NUP153: variants seen among roughly 807,000 people sequenced by gnomAD.
NUP153 encodes nuclear pore complex protein Nup153.
NUP153 carries 27 observed loss-of-function variants against 134.6 expected under a neutral mutation model. The observed-to-expected ratio is 0.20, with a 90% confidence interval of 0.15 to 0.28. NUP153 has a LOEUF of 0.28. NUP153 is among the 10% of genes least tolerant of loss of function. The probability of loss-of-function intolerance (pLI) is 1.00; values close to 1 mark genes in which losing one functional copy is unlikely to be tolerated. For synonymous variants in NUP153, 640 were observed against 623.5 expected, an observed-to-expected ratio of 1.03 and a Z score of -0.40; for missense variants, 1,821 against 1,731.3, an observed-to-expected ratio of 1.05 and a Z score of -0.92.
intron 20 of NUP153, among the ~76,000 whole-genome samples, chr6:17,617,706 G>A (rs746647834): frequency 2.6e-5 from 4 of 152,000 alleles, no homozygotes; most frequent in South Asian, 2.1e-4. Context: ...TTAGCCAGGC[G>A]TAGTGGCGTG....
chr6:17,689,725 A>C (rs1304298503), intron 1 of NUP153, among the ~76,000 whole-genome samples: 1 of 151,716 alleles, frequency 6.6e-6, no homozygotes, highest in East Asian at 2.0e-4. Context: ...GGGTTTCTCC[A>C]TGTTGGTCAG....
chr6:17,674,444 T>C (rs1325860071), intron 5 of NUP153, among the ~76,000 whole-genome samples: 4 of 152,126 alleles, frequency 2.6e-5, no homozygotes, highest in African/African-American at 4.8e-5. Context: ...ATATAACCCA[T>C]AGCTGTTGTT....
chr6:17,646,413 A>C (rs543715919), intron 13 of NUP153, among the ~76,000 whole-genome samples: 27 of 152,192 alleles, frequency 1.8e-4, no homozygotes, highest in Admixed American at 1.6e-3. Flanking sequence ...TCACTGTGTT[A>C]GCCAGGATGG....
At chr6:17,630,122 G>A (rs767028057) in intron 17 of NUP153, among the ~76,000 whole-genome samples, 7 of 152,108 alleles carry the variant, frequency 4.6e-5, no homozygotes, top group Non-Finnish European at 7.3e-5. Context: ...GAATATATAG[G>A]GGTATGTATG....
intron 19 of NUP153, 110 bp from the exon 20 acceptor site, chr6:17,624,943 C>T: frequency 9.8e-7 from 1 of 1,021,036 alleles, no homozygotes; most frequent in Non-Finnish European, 1.4e-6. Flanking sequence ...CAGACTCTTA[C>T]CTTGCTAACC....
At chr6:17,667,443 G>A (rs941963472) in intron 8 of NUP153, among the ~76,000 whole-genome samples, 3 of 152,252 alleles carry the variant, frequency 2.0e-5, no homozygotes, top group East Asian at 1.9e-4. Flanking sequence ...AGCCAGGCAC[G>A]GTGGCTCACG....
intron 2 of NUP153, among the ~76,000 whole-genome samples, chr6:17,687,909 T>G (rs1769031501): frequency 6.6e-6 from 1 of 151,926 alleles, no homozygotes; most frequent in African/African-American, 2.4e-5. Flanking sequence ...GGTCAGGAGA[T>G]CGAGACCATC....
At chr6:17,691,492 T>C (rs2113854159) in intron 1 of NUP153, among the ~76,000 whole-genome samples, 1 of 152,318 alleles carries the variant, frequency 6.6e-6, no homozygotes, top group Admixed American at 6.5e-5. Context: ...AGGCTGGGCG[T>C]GGTGGCTCAT....
At position 17,675,620 on chromosome 6, in the gene NUP153, C is replaced by T. The variant is rs200137545; in HGVS notation, c.485G>A (p.Gly162Glu). The T allele has an allele frequency of 2.7e-5, 43 of 1,613,978 alleles. No individual in the cohort carries two copies. The Middle Eastern group carries it at 4.9e-4, about 19-fold the overall frequency. Residue 162 changes from glycine (G) to glutamate (E), a missense_variant, in exon 3 of 22, where the codon GGA becomes GAA. Coordinates refer to ENST00000262077, the MANE Select transcript of NUP153 (RefSeq NM_005124.4). This position sits in a 1 kb window ranked among gnomAD's most constrained non-coding sequence, Gnocchi z 4.4. ...TTTAATTTCCTTTACAAGGGAAAAT[C>T]CCGAACTGCCAATTGGGAATGCCGA... The part of the protein sequence containing the change: ...TSSAFPIGSS[G>E]FSLVKEIKDS...
chr6:17,666,535 G>T (rs1337984320), intron 8 of NUP153, among the ~76,000 whole-genome samples: 3 of 152,040 alleles, frequency 2.0e-5, no homozygotes, highest in Non-Finnish European at 1.5e-5. Flanking sequence ...AAAAAAACTA[G>T]CTATGAAAAT....
At position 17,700,629 on chromosome 6, in the gene NUP153, C is replaced by T. The variant is rs183130396; in HGVS notation, c.111+5648G>A. On this transcript the variant is annotated intron_variant, in intron 1 of 21. Coordinates refer to ENST00000262077, the MANE Select transcript of NUP153 (RefSeq NM_005124.4). Reference sequence around the variant, plus strand: ...CTGAGAACACTCCAGCTATCAGATACCAGGCAGGACATACTTATTTGGGAC... The same window carrying T: ...CTGAGAACACTCCAGCTATCAGATATCAGGCAGGACATACTTATTTGGGAC... 1.9e-3 allele frequency among the ~76,000 whole-genome samples: 295 copies of T among 152,262 alleles called. 2 individuals carry two copies. The highest frequency in any genetic ancestry group is 0.01 in the Middle Eastern group (3 of 294).
At chr6:17,694,183 A>G (rs1201679128) in intron 1 of NUP153, among the ~76,000 whole-genome samples, 1 of 152,208 alleles carries the variant, frequency 6.6e-6, no homozygotes, top group Non-Finnish European at 1.5e-5. Flanking sequence ...TCACTGCTGT[A>G]TCCTCTGTAT....
rs1765585357 is a variant in NUP153 at position 17,637,092 on chromosome 6, ATAAAT to A, written c.2464+56_2464+60del. The stretch of plus-strand genomic sequence containing the variant: ...AACATCTAAAACAAGGATTCTTAGA[ATAAAT>A]TAAACTGTTCAACAGAAGTAATAAG... On this transcript the variant is annotated intron_variant, in intron 16 of 21. Transcript: ENST00000262077. 22 of 1,453,046 alleles carry A rather than the reference ATAAAT, an allele frequency of 1.5e-5. No individual in the cohort carries two copies. The Admixed American group carries it at 1.8e-4, about 12-fold the overall frequency. 90.0% of individuals were successfully genotyped at this position (1,453,046 alleles called of 1,614,324 possible).
In NUP153 at chr6:17,629,539, C is replaced by G. The variant is rs779193708; in HGVS notation, c.2660G>C (p.Gly887Ala). The change falls in exon 18 of 22, where the codon GGC (glycine) becomes GCC (alanine). Residue 887 changes from glycine (G) to alanine (A), a missense_variant and splice_region_variant. By Grantham distance (60) the Gly-to-Ala change is moderately conservative. Coordinates refer to ENST00000262077, the MANE Select transcript of NUP153 (RefSeq NM_005124.4). ...CGAAGATGAGGAAGATGTGTCAAAG[C>G]CTACAAAAATATAAAAGACACCACA... ...AKPGTKSGFK[G>A]FDTSSSSSNS... The G allele has an allele frequency of 1.9e-6, 3 of 1,578,428 alleles. No individual in the cohort carries two copies. The highest frequency in any genetic ancestry group is 2.6e-6 in the Non-Finnish European group (3 of 1,169,202).
At chr6:17,661,042 C>G (rs1252440082) in intron 11 of NUP153, among the ~76,000 whole-genome samples, 1 of 151,996 alleles carries the variant, frequency 6.6e-6, no homozygotes, top group Non-Finnish European at 1.5e-5. Flanking sequence ...AGGCAGGGCA[C>G]GGTGGCTCTC....
intron 17 of NUP153, among the ~76,000 whole-genome samples, chr6:17,630,101 A>T (rs549065773): frequency 2.6e-5 from 4 of 152,320 alleles, no homozygotes; most frequent in African/African-American, 9.6e-5. Context: ...TAACAAGGTA[A>T]AAGGAAGTAA....
intron 17 of NUP153, 98 bp from the exon 18 acceptor site, chr6:17,629,637 T>C: frequency 3.7e-6 from 4 of 1,067,720 alleles, no homozygotes; most frequent in Non-Finnish European, 5.2e-6. Flanking sequence ...TAGGAGTAAC[T>C]TTGAAAGGGC....
At chr6:17,668,832 G>T in intron 8 of NUP153, 143 bp downstream of exon 8, 1 of 570,662 alleles carries the variant, frequency 1.8e-6, no homozygotes, top group Non-Finnish European at 3.0e-6. Context: ...GACAGAGCGA[G>T]ACTGAGACTC....
chr6:17,665,345 G>A lies in NUP153; in HGVS notation c.1109C>T (p.Pro370Leu). The A allele has an allele frequency of 6.2e-7, 1 of 1,613,454 alleles. No individual in the cohort carries two copies. Among genetic ancestry groups the A allele is most frequent in the African/African-American group, 1.3e-5 (1 of 75,008 alleles). ...QYPPVQRLMT[P>L]KPVSIATNRS... ...ATTTGTTGCTATGGAAACTGGCTTT[G>A]GGGTCATAAGTCTCTGAACAGGAGG... The change falls in exon 9 of 22, where the codon CCA (proline) becomes CTA (leucine). Residue 370 changes from proline (P) to leucine (L), a missense_variant. By Grantham distance (98) the Pro-to-Leu change is moderately conservative. Coordinates refer to ENST00000262077, the MANE Select transcript of NUP153 (RefSeq NM_005124.4).
Sources: gnomAD v4.1 joint callset for allele counts (sites outside exome capture counted in the v4.1 genomes callset) on GRCh38, gnomAD v4.1.1 for gene constraint, Gnocchi (gnomAD v3.1) non-coding constraint, MANE v1.5 for transcripts, NCBI Gene and HGNC (gene_info 2026-07-23, HGNC 2026-07-21) for gene names.